STXBP5: variants seen among roughly 807,000 people sequenced by gnomAD.
STXBP5 encodes the protein syntaxin-binding protein 5.
Under a neutral mutation model 152.4 loss-of-function variants are expected in STXBP5, and 50 were observed. The observed-to-expected ratio is 0.33, with a 90% CI of 0.26 to 0.42. The LOEUF (loss-of-function observed/expected upper bound fraction) is 0.42, where lower values mean the gene tolerates loss of function less well. Ranked by LOEUF, STXBP5 falls within the 10% of genes least tolerant of loss-of-function variation. STXBP5 has a pLI of 1.00. For missense variants in STXBP5, 1,167 were observed against 1,388.6 expected (o/e 0.84, Z 2.54); for synonymous variants, 492 against 494.7 (o/e 0.99, Z 0.07).
At chr6:147,215,405 A>G (rs370984755) in intron 2 of STXBP5, among the ~76,000 whole-genome samples, 1 of 152,174 alleles carries the variant, frequency 6.6e-6, no homozygotes, top group South Asian at 2.1e-4. Flanking sequence ...GTTTTGAGAC[A>G]AGGTCTGGCT....
rs117243716 is a variant in STXBP5 at position 147,296,018 on chromosome 6, A to T, written c.917+4846A>T. 4.4e-3 allele frequency among the ~76,000 whole-genome samples: 663 copies of T among 152,150 alleles called. 14 individuals carry two copies. Among genetic ancestry groups the T allele is most frequent in the Admixed American group, 0.034 (522 of 15,280 alleles). ...AGCTGCTCAGTGCCTGTGGCCAGGAACAGTTGTGGCTCTGGTGCCCACACC... is the reference window on the plus strand; with the variant it reads ...AGCTGCTCAGTGCCTGTGGCCAGGATCAGTTGTGGCTCTGGTGCCCACACC... On this transcript the variant is annotated intron_variant, in intron 9 of 27. Coordinates refer to ENST00000321680, the MANE Select transcript of STXBP5 (RefSeq NM_001127715.4).
rs369403850 is a variant in STXBP5, at chr6:147,366,603, C to T, written c.3081+2437C>T. 7.9e-5 allele frequency among the ~76,000 whole-genome samples: 12 copies of T among 152,308 alleles called. No homozygotes were observed. In the East Asian group the frequency reaches 2.1e-3, roughly 27 times the overall value. ...TCTGCCTTTATGGCTGCATTACCTC[C>T]TCTTCTGGGTGTCAAATCTACCTCT... On this transcript the variant is annotated intron_variant, in intron 25 of 27. Transcript: ENST00000321680.
chr6:147,367,663 T>C (rs1477797062), intron 25 of STXBP5, among the ~76,000 whole-genome samples: 1 of 149,968 alleles, frequency 6.7e-6, no homozygotes, highest in Non-Finnish European at 1.5e-5. Context: ...AAAAACTGAG[T>C]AAAGCAAATT....
At chr6:147,347,408 C>T (rs1258027205) in intron 21 of STXBP5, among the ~76,000 whole-genome samples, 1 of 152,072 alleles carries the variant, frequency 6.6e-6, no homozygotes, top group Non-Finnish European at 1.5e-5. Flanking sequence ...GATGAAAGTT[C>T]CACAATTAAG....
rs77112014 is a variant in STXBP5 at position 147,298,797 on chromosome 6, A to G, written c.917+7625A>G. On this transcript the variant is annotated intron_variant, in intron 9 of 27. Coordinates refer to ENST00000321680, the MANE Select transcript of STXBP5 (RefSeq NM_001127715.4). ...TCTTGAGACAACATGGGAAAACACA[A>G]TATACTGAGGCCTATGGAATACAGC... 7.1e-3 allele frequency among the ~76,000 whole-genome samples: 1,081 copies of G among 152,200 alleles called. 15 individuals carry two copies. The highest frequency in any genetic ancestry group is 0.025 in the African/African-American group (1,039 of 41,556).
At chr6:147,333,727 A>G (rs976190365) in intron 18 of STXBP5, among the ~76,000 whole-genome samples, 1 of 152,202 alleles carries the variant, frequency 6.6e-6, no homozygotes. Flanking sequence ...AGAAAAGCAG[A>G]TACTGGTGAT....
At chr6:147,312,924 A>G (rs1404217450) in intron 11 of STXBP5, among the ~76,000 whole-genome samples, 1 of 152,212 alleles carries the variant, frequency 6.6e-6, no homozygotes, top group African/African-American at 2.4e-5. Flanking sequence ...AGAAAATACT[A>G]TGCAAGTAAC....
intron 8 of STXBP5, among the ~76,000 whole-genome samples, chr6:147,285,343 C>G (rs1562462148): frequency 6.6e-6 from 1 of 151,948 alleles, no homozygotes; most frequent in African/African-American, 2.4e-5. Flanking sequence ...ATGGGTAGTA[C>G]CTTATTATTT....
intron 2 of STXBP5, among the ~76,000 whole-genome samples, chr6:147,230,178 ATTGT>A (rs1291180274): frequency 2.0e-5 from 3 of 151,764 alleles, no homozygotes; most frequent in African/African-American, 4.8e-5. Flanking sequence ...TTTAAAGATG[ATTGT>A]TTATTTATTT....
At chr6:147,325,846 A>G (rs950384169) in intron 17 of STXBP5, among the ~76,000 whole-genome samples, 5 of 152,178 alleles carry the variant, frequency 3.3e-5, no homozygotes, top group Non-Finnish European at 5.9e-5. Flanking sequence ...GTATCCACGG[A>G]TTCAACCAAC....
chr6:147,382,435 C>A (rs577591365), intron 26 of STXBP5, among the ~76,000 whole-genome samples: 1 of 151,974 alleles, frequency 6.6e-6, no homozygotes, highest in Non-Finnish European at 1.5e-5. Flanking sequence ...AAATATCTTT[C>A]GTTTTTTGCA....
At position 147,385,248 on chromosome 6, in the gene STXBP5, C is replaced by A. The variant is rs1024333233; in HGVS notation, c.*493C>A. 1 of 152,898 alleles carries A rather than the reference C, an allele frequency of 6.5e-6. No homozygotes were observed. Among genetic ancestry groups the A allele is most frequent in the Non-Finnish European group, 1.5e-5 (1 of 68,682 alleles). 9.5% of individuals were successfully genotyped at this position (152,898 alleles called of 1,614,324 possible). On this transcript the variant is annotated 3_prime_UTR_variant, in exon 28 of 28. Transcript: ENST00000321680. ...TTTCCCTCTCTTAACACTGACTGGT[C>A]ATCAGTATCATTAGTGAAAAAGAAA...
At chr6:147,365,466 CTT>C (rs1443950087) in intron 25 of STXBP5, among the ~76,000 whole-genome samples, 1 of 152,136 alleles carries the variant, frequency 6.6e-6, no homozygotes, top group Admixed American at 6.5e-5. Context: ...AAACTTCACA[CTT>C]TTCTGGGATC....
At chr6:147,258,591 G>A (rs927048080) in intron 4 of STXBP5, among the ~76,000 whole-genome samples, 2 of 151,970 alleles carry the variant, frequency 1.3e-5, no homozygotes, top group Admixed American at 1.3e-4. Flanking sequence ...CCACCACCTC[G>A]CCTGGCTAAT....
At chr6:147,284,905 A>G (rs1019741982) in intron 8 of STXBP5, among the ~76,000 whole-genome samples, 1 of 152,244 alleles carries the variant, frequency 6.6e-6, no homozygotes, top group Non-Finnish European at 1.5e-5. Flanking sequence ...TCTTAAAAAT[A>G]TCACTTTAAT....
Position 147,363,389 on chromosome 6 carries a change from CAGG to C in STXBP5, c.2601_2603del (p.Gly868del). The C allele has an allele frequency of 6.2e-7, 1 of 1,613,262 alleles. No homozygotes were observed. Among genetic ancestry groups the C allele is most frequent in the Non-Finnish European group, 8.5e-7 (1 of 1,179,744 alleles). Reference sequence around the variant, plus strand: ...TTGAGAATGGCATTTCTGGATACCACAGGCTGCTTAATACCACCTGCGTATGAA... The same window carrying C: ...TTGAGAATGGCATTTCTGGATACCACCTGCTTAATACCACCTGCGTATGAA... On this transcript the variant is annotated inframe_deletion, in exon 24 of 28. Coordinates refer to ENST00000321680, the MANE Select transcript of STXBP5 (RefSeq NM_001127715.4).
chr6:147,334,652 TTC>T (rs769314482), intron 19 of STXBP5, among the ~76,000 whole-genome samples: 12 of 152,146 alleles, frequency 7.9e-5, no homozygotes, highest in Non-Finnish European at 1.6e-4. Context: ...TGAAAATAGT[TTC>T]TGATATATTT....
intron 4 of STXBP5, among the ~76,000 whole-genome samples, chr6:147,258,207 C>G (rs1014780081): frequency 6.6e-6 from 1 of 152,174 alleles, no homozygotes. Flanking sequence ...AATCTGAAAT[C>G]TTCTACGTTT....
rs1234483316 is a variant in STXBP5, at chr6:147,389,591, T to C, written c.*4836T>C. 1 of 151,918 alleles carries C rather than the reference T, an allele frequency of 6.6e-6. No homozygotes were observed. The highest frequency in any genetic ancestry group is 2.4e-5 in the African/African-American group (1 of 41,428). 9.4% of individuals were successfully genotyped at this position (151,918 alleles called of 1,614,324 possible). On this transcript the variant is annotated 3_prime_UTR_variant, in exon 28 of 28. Transcript: ENST00000321680. ...AATTTTATAGTGTATGACATGTAAA[T>C]AAACCAGTATTTATTGTAGGTTGTT... is the stretch of plus-strand genomic sequence containing the variant.
Sources: allele counts gnomAD v4.1 joint callset (sites outside exome capture counted in the v4.1 genomes callset), GRCh38; gene constraint gnomAD v4.1.1; transcripts MANE v1.5; gene names NCBI Gene and HGNC (gene_info 2026-07-23, HGNC 2026-07-21).